ZNF883: variants seen among roughly 807,000 people sequenced by gnomAD.
ZNF883 encodes zinc finger protein 883.
chr9:113,001,848 T>C (rs1828429025), upstream of ZNF883: 1 of 152,182 alleles, frequency 6.6e-6, no homozygotes, highest in African/African-American at 2.4e-5. Context: ...AGTAAGACTA[T>C]TTACAAAGTT....
chr9:113,010,014 C>T (rs1249240315), intron 2 of ZNF883, among the ~76,000 whole-genome samples: 2 of 152,196 alleles, frequency 1.3e-5, no homozygotes, highest in Non-Finnish European at 2.9e-5. Flanking sequence ...TGGAATGTAA[C>T]CTCATGCTCA....
chr9:112,998,677 GT>G, upstream of ZNF883: 1 of 153,698 alleles, frequency 6.5e-6, no homozygotes, highest in South Asian at 2.1e-4. Flanking sequence ...TTTGTCTGGT[GT>G]ATCTACACTC....
At chr9:113,005,190 T>C (rs1368356862) in intron 2 of ZNF883, among the ~76,000 whole-genome samples, 1 of 152,074 alleles carries the variant, frequency 6.6e-6, no homozygotes, top group Non-Finnish European at 1.5e-5. Flanking sequence ...TAGAAAAAGA[T>C]TCACAGATTT....
intron 2 of ZNF883, among the ~76,000 whole-genome samples, chr9:113,005,315 ACAAAT>A (rs939159354): frequency 3.9e-5 from 6 of 152,200 alleles, no homozygotes; most frequent in African/African-American, 7.2e-5. Flanking sequence ...TATAGTTTCT[ACAAAT>A]CAAATAGGAA....
chr9:113,001,041 A>G (rs1274460874), upstream of ZNF883, among the ~76,000 whole-genome samples: 6 of 152,158 alleles, frequency 3.9e-5, no homozygotes, highest in Non-Finnish European at 7.4e-5. Flanking sequence ...AAAACAAAAT[A>G]CCAAACACAG....
intron 2 of ZNF883, among the ~76,000 whole-genome samples, chr9:113,010,068 C>A (rs1379747228): frequency 1.3e-5 from 2 of 152,096 alleles, no homozygotes; most frequent in Non-Finnish European, 2.9e-5. Flanking sequence ...TGTGCCCATC[C>A]AAGACTGTCA....
At chr9:112,988,814 T>C (rs1828276444) in intron 1 of ZNF883, among the ~76,000 whole-genome samples, 1 of 151,990 alleles carries the variant, frequency 6.6e-6, no homozygotes, top group Non-Finnish European at 1.5e-5. Flanking sequence ...ATCTGTTGTT[T>C]CTTGCCTTTT....
chr9:113,006,869 C>T (rs917608336), intron 2 of ZNF883, among the ~76,000 whole-genome samples: 1 of 149,288 alleles, frequency 6.7e-6, no homozygotes, highest in African/African-American at 2.5e-5. Flanking sequence ...TAGATTTTAT[C>T]TTTCTGAGCA....
At chr9:112,988,903 T>TTC (rs1486066158) in intron 1 of ZNF883, among the ~76,000 whole-genome samples, 1 of 152,166 alleles carries the variant, frequency 6.6e-6, no homozygotes, top group African/African-American at 2.4e-5. Flanking sequence ...GGTTTTTTTT[T>TTC]CATGTTTGTT....
downstream of ZNF883, among the ~76,000 whole-genome samples, chr9:112,992,216 G>A (rs2118599358): frequency 6.6e-6 from 1 of 152,316 alleles, no homozygotes; most frequent in East Asian, 1.9e-4. Context: ...GGAGTGGCTG[G>A]AAATAATTTT....
upstream of ZNF883, among the ~76,000 whole-genome samples, chr9:112,999,969 T>C (rs1487015232): frequency 6.6e-6 from 1 of 152,180 alleles, no homozygotes. Context: ...ATTGAGGCTA[T>C]CTAGGGGCCC....
chr9:112,991,892 A>C (rs1233084581), intron 1 of ZNF883, among the ~76,000 whole-genome samples: 3 of 152,202 alleles, frequency 2.0e-5, no homozygotes, highest in South Asian at 4.1e-4. Context: ...GTCAGAAACT[A>C]GTATTGCAAC....
At chr9:113,009,020 G>GA (rs1203375397) in intron 2 of ZNF883, among the ~76,000 whole-genome samples, 6 of 152,000 alleles carry the variant, frequency 3.9e-5, no homozygotes, top group African/African-American at 1.5e-4. Context: ...GAAGGAAATA[G>GA]AAAAATCCAT....
rs545858723 is a variant in ZNF883, at chr9:113,010,507, ATTG to A, written n.165+631_165+633del. Among the ~76,000 whole-genome samples the A allele has an allele frequency of 2.0e-3, 300 of 152,320 alleles. 1 individual carries two copies. Among genetic ancestry groups the A allele is most frequent in the Non-Finnish European group, 3.6e-3 (246 of 68,028 alleles). On this transcript the variant is annotated intron_variant and non_coding_transcript_variant, in intron 2 of 4. Coordinates refer to the ZNF883 transcript ENST00000638622. ...TACATGTGCATACACGTTATGAACTATTGTTCATAACAATGTATTCTTGAAAAT... is the reference window on the plus strand; with the variant it reads ...TACATGTGCATACACGTTATGAACTATTCATAACAATGTATTCTTGAAAAT...
exon 1 of ZNF883, chr9:112,997,592 G>C: frequency 6.2e-7 from 1 of 1,614,046 alleles, no homozygotes; most frequent in South Asian, 1.1e-5. Context: ...TTGAATGAAG[G>C]CTGGGGTATG....
At chr9:113,005,844 C>T (rs1006467547) in intron 2 of ZNF883, among the ~76,000 whole-genome samples, 7 of 152,180 alleles carry the variant, frequency 4.6e-5, no homozygotes, top group African/African-American at 1.7e-4. Context: ...GTGCCACCCA[C>T]AGAACCTGGT....
chr9:113,009,662 G>A (rs1337793525), intron 2 of ZNF883, among the ~76,000 whole-genome samples: 6 of 151,880 alleles, frequency 4.0e-5, no homozygotes, highest in South Asian at 4.2e-4. Context: ...GGCGTATGCC[G>A]CCACGCCCAG....
chr9:113,004,674 G>A (rs10759617), intron 2 of ZNF883, among the ~76,000 whole-genome samples: 17,731 of 151,700 alleles, frequency 0.12, 1,500 homozygotes, highest in Non-Finnish European at 0.16. Flanking sequence ...CCAGAACTAT[G>A]AGAAAGAAAT....
intron 2 of ZNF883, among the ~76,000 whole-genome samples, chr9:113,004,116 T>C (rs932250755): frequency 1.3e-5 from 2 of 152,136 alleles, no homozygotes; most frequent in African/African-American, 4.8e-5. Context: ...CAGAAAGTCA[T>C]GTGATGAAAG....
Sources: gnomAD v4.1 joint callset for allele counts (sites outside exome capture counted in the v4.1 genomes callset) on GRCh38, gnomAD v4.1.1 for gene constraint, MANE v1.5 for transcripts, NCBI Gene and HGNC (gene_info 2026-07-23, HGNC 2026-07-21) for gene names.